The following RBPMS variants were observed in gnomAD, a reference collection of about 807,000 sequenced individuals.
The protein encoded by RBPMS is RNA-binding protein with multiple splicing.
A neutral mutation model predicts 26.8 loss-of-function variants in RBPMS; 7 were observed. The observed-to-expected ratio is 0.26, with a 90% CI of 0.15 to 0.49. The LOEUF is 0.49. Among genes scored for constraint, RBPMS ranks in the 20% least tolerant of loss-of-function variants. The probability of loss-of-function intolerance (pLI) is 0.98; values close to 1 mark genes in which losing one functional copy is unlikely to be tolerated. For synonymous variants in RBPMS, 96 were observed against 93.3 expected, an observed-to-expected ratio of 1.03 and a Z score of -0.17; for missense variants, 186 against 250.0, an observed-to-expected ratio of 0.74 and a Z score of 1.73.
chr8:30,422,567 G>T (rs1810917505), intron 1 of RBPMS, among the ~76,000 whole-genome samples: 1 of 152,056 alleles, frequency 6.6e-6, no homozygotes, highest in African/African-American at 2.4e-5. Flanking sequence ...ACCTCACCTG[G>T]CCTGCTGTTA....
chr8:30,391,031 C>G (rs1294386627), intron 1 of RBPMS, among the ~76,000 whole-genome samples: 1 of 152,166 alleles, frequency 6.6e-6, no homozygotes, highest in Non-Finnish European at 1.5e-5. Flanking sequence ...AAAATTACTT[C>G]CATCCCTTTG....
chr8:30,433,842 T>C (rs1235581902), intron 1 of RBPMS, among the ~76,000 whole-genome samples: 1 of 152,228 alleles, frequency 6.6e-6, no homozygotes, highest in African/African-American at 2.4e-5. Context: ...TCCTGATTCT[T>C]AGATCTTGCA....
chr8:30,487,484 T>G (rs1323410340), intron 4 of RBPMS, among the ~76,000 whole-genome samples: 1 of 152,224 alleles, frequency 6.6e-6, no homozygotes, highest in Non-Finnish European at 1.5e-5. Context: ...AGTTAATTAT[T>G]GTACTCTTTC....
chr8:30,468,076 C>T (rs1345237540), intron 1 of RBPMS, among the ~76,000 whole-genome samples: 4 of 151,856 alleles, frequency 2.6e-5, no homozygotes, highest in Non-Finnish European at 5.9e-5. Flanking sequence ...TTGCTTTTTC[C>T]CTTAATAATT....
chr8:30,467,088 T>C (rs1167078992), intron 1 of RBPMS, among the ~76,000 whole-genome samples: 2 of 152,230 alleles, frequency 1.3e-5, no homozygotes, highest in Admixed American at 1.3e-4. Flanking sequence ...AAACTGGAGC[T>C]TGACCAAAGC....
At chr8:30,566,631 G>A (rs1827903708) in intron 8 of RBPMS, among the ~76,000 whole-genome samples, 1 of 152,204 alleles carries the variant, frequency 6.6e-6, no homozygotes, top group Admixed American at 6.5e-5. Flanking sequence ...ATGAACATCT[G>A]GCTGTCCAGT....
intron 4 of RBPMS, among the ~76,000 whole-genome samples, chr8:30,483,805 T>C (rs1306167781): frequency 6.6e-6 from 1 of 152,080 alleles, no homozygotes; most frequent in Non-Finnish European, 1.5e-5. Context: ...TCTAATCTGC[T>C]TGCTTTCTCC....
intron 4 of RBPMS, among the ~76,000 whole-genome samples, chr8:30,489,842 G>A (rs929789030): frequency 2.0e-5 from 3 of 151,648 alleles, no homozygotes; most frequent in African/African-American, 7.3e-5. Context: ...ACGGAGTCTC[G>A]CTGTGTTACC....
intron 1 of RBPMS, among the ~76,000 whole-genome samples, chr8:30,389,075 T>A (rs1173521514): frequency 6.6e-6 from 1 of 152,218 alleles, no homozygotes; most frequent in African/African-American, 2.4e-5. Flanking sequence ...AACCTCAAAT[T>A]TTCATTGAGC....
intron 5 of RBPMS, among the ~76,000 whole-genome samples, chr8:30,531,780 TTG>T (rs1563417854): frequency 6.6e-6 from 1 of 152,156 alleles, no homozygotes; most frequent in East Asian, 1.9e-4. Context: ...GGTTAAATCT[TTG>T]TGATTTTTAG....
chr8:30,422,735 C>G (rs976427773), intron 1 of RBPMS, among the ~76,000 whole-genome samples: 4 of 152,102 alleles, frequency 2.6e-5, no homozygotes, highest in African/African-American at 9.7e-5. Flanking sequence ...TCTATCTGGG[C>G]TCATTGTTTT....
intron 5 of RBPMS, among the ~76,000 whole-genome samples, chr8:30,516,315 G>A (rs925884749): frequency 2.9e-4 from 44 of 152,184 alleles, no homozygotes; most frequent in African/African-American, 1.1e-3. Context: ...AACCCAGGAG[G>A]GAGAGGTTGC....
intron 1 of RBPMS, among the ~76,000 whole-genome samples, chr8:30,449,777 A>T (rs962213419): frequency 6.6e-6 from 1 of 152,220 alleles, no homozygotes; most frequent in African/African-American, 2.4e-5. Context: ...TGCTGCTCCT[A>T]TGAGGCTTGA....
At chr8:30,492,234 T>G (rs1481639347) in intron 4 of RBPMS, among the ~76,000 whole-genome samples, 1 of 152,216 alleles carries the variant, frequency 6.6e-6, no homozygotes, top group East Asian at 1.9e-4. Context: ...ACTTTTTATA[T>G]TACACAGTGT....
intron 8 of RBPMS, among the ~76,000 whole-genome samples, chr8:30,567,327 C>T (rs1827965799): frequency 6.6e-6 from 1 of 152,164 alleles, no homozygotes; most frequent in African/African-American, 2.4e-5. Context: ...CCACACTGGG[C>T]GACCCACCTC....
At chr8:30,449,420 G>T (rs368748069) in intron 1 of RBPMS, among the ~76,000 whole-genome samples, 1 of 146,256 alleles carries the variant, frequency 6.8e-6, no homozygotes, top group East Asian at 2.0e-4. Flanking sequence ...GCCCCGGCTG[G>T]AGTGCAATGG....
At chr8:30,435,745 C>G (rs917276082) in intron 1 of RBPMS, among the ~76,000 whole-genome samples, 12 of 152,158 alleles carry the variant, frequency 7.9e-5, no homozygotes, top group African/African-American at 2.4e-4. Context: ...CAAGAATACT[C>G]TTGAAGAGTC....
intron 5 of RBPMS, among the ~76,000 whole-genome samples, chr8:30,543,292 C>G (rs1825574313): frequency 6.6e-6 from 1 of 152,178 alleles, no homozygotes; most frequent in Non-Finnish European, 1.5e-5. Context: ...AGAGCAGTCC[C>G]ACATCACACC....
In RBPMS at chr8:30,556,512, C is replaced by G. The variant is rs917330356; in HGVS notation, c.529-2375C>G. ...CTCTCCTCCCCGGGCAGCCCTCCCC[C>G]TCCTGTGTCTCCTGTGAAACACCGT... On this transcript the variant is annotated intron_variant, in intron 6 of 8. Coordinates refer to ENST00000397323, the MANE Select transcript of RBPMS (RefSeq NM_001008710.3). 8.1e-6 allele frequency: 8 copies of G among 986,088 alleles called. 1 individual carries two copies. The highest frequency in any genetic ancestry group is 1.1e-4 in the East Asian group (1 of 8,842). 61.1% of individuals were successfully genotyped at this position (986,088 alleles called of 1,614,324 possible).
Sources: gnomAD v4.1 joint callset for allele counts (sites outside exome capture counted in the v4.1 genomes callset) on GRCh38, gnomAD v4.1.1 for gene constraint, MANE v1.5 for transcripts, NCBI Gene and HGNC (gene_info 2026-07-23, HGNC 2026-07-21) for gene names.